Variants in ABCA5 observed in about 807,000 individuals in gnomAD.
The protein encoded by ABCA5 is ATP binding cassette subfamily A member 5.
ABCA5 carries 163 observed loss-of-function variants against 206.0 expected under a neutral mutation model. The observed-to-expected ratio is 0.79, with a 90% CI of 0.70 to 0.90. ABCA5 has a LOEUF of 0.90. ABCA5 is among the 40% of genes least tolerant of loss of function. The pLI is 0.00. For synonymous variants in ABCA5, 609 were observed against 613.8 expected (o/e 0.99, Z 0.11); for missense variants, 1,859 against 1,912.9 (o/e 0.97, Z 0.53).
chr17:69,313,795 C>T (rs186784876), intron 2 of ABCA5, among the ~76,000 whole-genome samples: 7 of 152,212 alleles, frequency 4.6e-5, no homozygotes, highest in Admixed American at 4.6e-4. Context: ...TATCATCTTG[C>T]TGTTTAATTG....
rs1227419666 is a variant in ABCA5 at position 69,287,611 on chromosome 17, A to AC, written c.2041+1dup. On this transcript the variant is annotated splice_donor_variant, in intron 15 of 38. Transcript: ENST00000392676. LOFTEE classifies it high-confidence loss of function. The stretch of plus-strand genomic sequence containing the variant: ...CCTTCGAAAATAAAACAAAAATCTC[A>AC]CCTGCAAGAATGTCAGCTTCATCCA... 3 of 1,607,590 alleles carry AC rather than the reference A, an allele frequency of 1.9e-6. No homozygotes were observed. The highest frequency in any genetic ancestry group is 2.5e-6 in the Non-Finnish European group (3 of 1,177,182).
rs1277352677 is a variant in ABCA5, at chr17:69,326,077, A to T, written c.-16+975T>A. ...CTCCCGGCAAACACAAAATATACTA[A>T]ATAAAGCACCAGAATTAGGGTCTGG... On this transcript the variant is annotated intron_variant, in intron 1 of 38. Transcript: ENST00000392676. The surrounding 1 kb of genome is among the most constrained non-coding windows in gnomAD (Gnocchi z 4.8). 6.6e-6 allele frequency among the ~76,000 whole-genome samples: 1 copy of T among 152,172 alleles called. No homozygotes were observed. Among genetic ancestry groups the T allele is most frequent in the Non-Finnish European group, 1.5e-5 (1 of 68,028 alleles).
intron 15 of ABCA5, among the ~76,000 whole-genome samples, chr17:69,286,699 T>A (rs1567767707): frequency 6.6e-6 from 1 of 152,072 alleles, no homozygotes; most frequent in Non-Finnish European, 1.5e-5. Flanking sequence ...ACAAAAGTAA[T>A]AAGAAGAACA....
intron 29 of ABCA5, 39 bp downstream of exon 29, chr17:69,256,118 T>C: frequency 1.3e-6 from 2 of 1,517,836 alleles, no homozygotes; most frequent in Non-Finnish European, 1.8e-6. Context: ...AATTGATCAT[T>C]TCATATTTAC....
intron 15 of ABCA5, among the ~76,000 whole-genome samples, chr17:69,287,012 C>T (rs1486370644): frequency 6.6e-6 from 1 of 152,144 alleles, no homozygotes; most frequent in Non-Finnish European, 1.5e-5. Flanking sequence ...GGGAGGGTTC[C>T]TACTATTCTC....
intron 14 of ABCA5, among the ~76,000 whole-genome samples, chr17:69,288,722 GA>G (rs1212712775): frequency 0.098 from 208 of 2,128 alleles, no homozygotes; most frequent in East Asian, 0.48. Context: ...AAAAAAAGAA[GA>G]AAGAAAGAAA....
In ABCA5 at chr17:69,256,436, TTTTTTTTCTTTC is replaced by T. The variant is rs2075081630; in HGVS notation, c.3732-165_3732-154del. ...AGGTGGAATTATAAGCGATATTTCT[TTTTTTTTCTTTC>T]TTTCTTTCTTTTTTTTTTTTTTTAA... On this transcript the variant is annotated intron_variant, in intron 28 of 38. Transcript: ENST00000392676. 1.2e-4 allele frequency among the ~76,000 whole-genome samples: 18 copies of T among 149,378 alleles called. No homozygotes were observed. The South Asian group carries it at 3.8e-3, about 31-fold the overall frequency.
intron 19 of ABCA5, among the ~76,000 whole-genome samples, chr17:69,275,849 T>G (rs1319141420): frequency 6.6e-6 from 1 of 152,054 alleles, no homozygotes; most frequent in African/African-American, 2.4e-5. Flanking sequence ...ATGGGATTAG[T>G]ACATTTATAA....
At chr17:69,304,468 T>G (rs528034436) in intron 7 of ABCA5, 1 of 419,520 alleles carries the variant, frequency 2.4e-6, no homozygotes, top group African/African-American at 2.1e-5. Context: ...AAGCTAAATC[T>G]AAATCTAAAA....
At chr17:69,310,911 A>C (rs1045378318) in intron 3 of ABCA5, among the ~76,000 whole-genome samples, 2 of 152,172 alleles carry the variant, frequency 1.3e-5, no homozygotes, top group African/African-American at 4.8e-5. Flanking sequence ...TGTAGGCTGG[A>C]TGTGGTGCCT....
chr17:69,258,946 A>G (rs2075114617), intron 28 of ABCA5, among the ~76,000 whole-genome samples: 1 of 152,128 alleles, frequency 6.6e-6, no homozygotes, highest in East Asian at 1.9e-4. Flanking sequence ...TAAAAAAGAC[A>G]AACAATAACA....
At chr17:69,267,126 C>T (rs898521478) in intron 23 of ABCA5, among the ~76,000 whole-genome samples, 7 of 152,038 alleles carry the variant, frequency 4.6e-5, no homozygotes, top group African/African-American at 1.4e-4. Flanking sequence ...CCGCCCACCT[C>T]GGCCTCCCAA....
chr17:69,246,160 C>T lies in ABCA5; in HGVS notation c.*1377G>A, dbSNP rs921722016. 1 of 151,848 alleles carries T rather than the reference C, an allele frequency of 6.6e-6. No homozygotes were observed. Among genetic ancestry groups the T allele is most frequent in the African/African-American group, 2.4e-5 (1 of 41,372 alleles). 9.4% of individuals were successfully genotyped at this position (151,848 alleles called of 1,614,324 possible). On this transcript the variant is annotated 3_prime_UTR_variant, in exon 39 of 39. Coordinates refer to ENST00000392676, the MANE Select transcript of ABCA5 (RefSeq NM_172232.4). ...GCCTAAAATCACAGATGTCTTATTA[C>T]ACAATAAAGCTAAAAGTTCATTAAA...
intron 23 of ABCA5, among the ~76,000 whole-genome samples, chr17:69,265,491 T>C (rs1261336865): frequency 6.6e-6 from 1 of 152,148 alleles, no homozygotes; most frequent in Non-Finnish European, 1.5e-5. Context: ...CAAATGATCA[T>C]AGTTTTCCTA....
chr17:69,287,155 T>A (rs948875957), intron 15 of ABCA5, among the ~76,000 whole-genome samples: 4 of 152,196 alleles, frequency 2.6e-5, no homozygotes, highest in Admixed American at 1.3e-4. Context: ...CAGCACCCAA[T>A]AAGAATCTTG....
chr17:69,303,698 G>A (rs1380597605), intron 7 of ABCA5, among the ~76,000 whole-genome samples: 1 of 122,508 alleles, frequency 8.2e-6, no homozygotes. Context: ...GCCAAGGCAA[G>A]TGGATCACTT....
intron 23 of ABCA5, 73 bp downstream of exon 23, chr17:69,267,870 C>T (rs893240333): frequency 2.4e-5 from 18 of 736,060 alleles, no homozygotes; most frequent in Non-Finnish European, 3.7e-5. Flanking sequence ...CTAAGCCTTG[C>T]AATCAAGCAA....
chr17:69,255,965 G>A, intron 29 of ABCA5, 115 bp from the exon 30 acceptor site: 2 of 1,093,700 alleles, frequency 1.8e-6, no homozygotes, highest in Non-Finnish European at 1.3e-6. Flanking sequence ...AGGGGATACT[G>A]TACAAATAAA....
intron 3 of ABCA5, 112 bp from the exon 4 acceptor site, chr17:69,309,535 T>C: frequency 2.4e-6 from 2 of 831,542 alleles, no homozygotes; most frequent in South Asian, 5.9e-5. Context: ...ACTTTTGCTA[T>C]ATTTACTTCT....
Sources: allele counts gnomAD v4.1 joint callset (sites outside exome capture counted in the v4.1 genomes callset), GRCh38; gene constraint gnomAD v4.1.1; non-coding constraint Gnocchi (gnomAD v3.1); transcripts MANE v1.5; gene names NCBI Gene and HGNC (gene_info 2026-07-23, HGNC 2026-07-21).